The following DLGAP2 variants were observed in gnomAD, a reference collection of about 807,000 sequenced individuals.
DLGAP2 encodes the protein disks large-associated protein 2.
In DLGAP2, 26 loss-of-function variants were observed where a neutral mutation model predicts 100.3. The observed-to-expected ratio is 0.26, with a 90% CI of 0.19 to 0.36. The LOEUF (loss-of-function observed/expected upper bound fraction) is 0.36. DLGAP2 is among the 10% of genes least tolerant of loss of function. DLGAP2 has a pLI of 1.00. For missense variants in DLGAP2, 1,858 were observed against 1,453.2 expected, an observed-to-expected ratio of 1.28 and a Z score of -4.53; for synonymous variants, 886 against 630.1, an observed-to-expected ratio of 1.41 and a Z score of -6.08.
At chr8:1,646,838 A>G (rs1390119302) in intron 8 of DLGAP2, among the ~76,000 whole-genome samples, 5 of 152,182 alleles carry the variant, frequency 3.3e-5, no homozygotes, top group African/African-American at 1.2e-4. Flanking sequence ...CCTTCTGGAA[A>G]GGAGAACCCA....
intron 4 of DLGAP2, among the ~76,000 whole-genome samples, chr8:1,506,567 G>A (rs145817703): frequency 0.012 from 1,817 of 152,262 alleles, 10 homozygotes; most frequent in Admixed American, 0.015. Context: ...TGCATACAGC[G>A]TAAAAATTAA....
intron 1 of DLGAP2, among the ~76,000 whole-genome samples, chr8:785,770 TCC>T (rs1821841852): frequency 4.7e-5 from 1 of 21,468 alleles, no homozygotes; most frequent in Non-Finnish European, 8.8e-5. Flanking sequence ...CCGGCCTCCC[TCC>T]TCCCCTCAGG....
At chr8:1,192,761 T>C (rs1797667176) in intron 2 of DLGAP2, among the ~76,000 whole-genome samples, 1 of 151,920 alleles carries the variant, frequency 6.6e-6, no homozygotes. Flanking sequence ...CATGTTGGTG[T>C]GCTGCACCCA....
chr8:962,040 T>C (rs1799736690), intron 2 of DLGAP2, among the ~76,000 whole-genome samples: 1 of 152,240 alleles, frequency 6.6e-6, no homozygotes, highest in Non-Finnish European at 1.5e-5. Context: ...ATGAATATAA[T>C]TTAAGTGTAA....
intron 1 of DLGAP2, among the ~76,000 whole-genome samples, chr8:880,823 C>T (rs771562112): frequency 1.7e-4 from 26 of 152,230 alleles, no homozygotes; most frequent in Non-Finnish European, 3.5e-4. Context: ...ATGGACTCAA[C>T]GCAGATGTAA....
chr8:1,034,130 A>G (rs71516138), intron 2 of DLGAP2, among the ~76,000 whole-genome samples: 225 of 6,146 alleles, frequency 0.037, no homozygotes, highest in East Asian at 0.062. Context: ...TCCCGACCCC[A>G]CGTGTCACCG....
intron 2 of DLGAP2, among the ~76,000 whole-genome samples, chr8:1,114,271 T>C (rs768726420): frequency 1.3e-5 from 2 of 152,178 alleles, no homozygotes; most frequent in Non-Finnish European, 2.9e-5. Flanking sequence ...TCAGTAGAAA[T>C]AGTACCAGCT....
At chr8:1,376,771 GA>G (rs1449393116) in intron 3 of DLGAP2, among the ~76,000 whole-genome samples, 1 of 143,850 alleles carries the variant, frequency 7.0e-6, no homozygotes, top group Non-Finnish European at 1.5e-5. Context: ...CAGGGCTACC[GA>G]GACCCTCAAC....
intron 3 of DLGAP2, among the ~76,000 whole-genome samples, chr8:1,419,154 T>C (rs1193237310): frequency 2.0e-5 from 3 of 152,236 alleles, no homozygotes; most frequent in Non-Finnish European, 2.9e-5. Context: ...TTTAGTTGAC[T>C]CATAATAATT....
chr8:1,475,129 C>G (rs956767462), intron 3 of DLGAP2, among the ~76,000 whole-genome samples: 2 of 152,162 alleles, frequency 1.3e-5, no homozygotes, highest in Admixed American at 6.5e-5. Context: ...AACACAAATA[C>G]TGCACGTTCT....
chr8:1,051,023 G>A (rs1802667875), intron 2 of DLGAP2, among the ~76,000 whole-genome samples: 1 of 149,534 alleles, frequency 6.7e-6, no homozygotes, highest in Admixed American at 6.7e-5. Flanking sequence ...GTCATTTCGT[G>A]GGTGGGGGTC....
At chr8:1,282,049 TGGTGTGA>T (rs1799825689) in intron 3 of DLGAP2, among the ~76,000 whole-genome samples, 1 of 99,484 alleles carries the variant, frequency 1.0e-5, no homozygotes, top group Non-Finnish European at 2.0e-5. Context: ...CATCCGGACG[TGGTGTGA>T]CCTGAACCCA....
chr8:1,010,800 C>T (rs1389630153), intron 2 of DLGAP2, among the ~76,000 whole-genome samples: 1 of 152,226 alleles, frequency 6.6e-6, no homozygotes, highest in Non-Finnish European at 1.5e-5. Context: ...ACTTTAAAAA[C>T]ACCTCAGAGA....
At chr8:1,227,068 G>C (rs1798431006) in intron 2 of DLGAP2, among the ~76,000 whole-genome samples, 1 of 146,434 alleles carries the variant, frequency 6.8e-6, no homozygotes, top group Non-Finnish European at 1.5e-5. Context: ...CTGTTCACCT[G>C]TTCATTGCAG....
intron 2 of DLGAP2, among the ~76,000 whole-genome samples, chr8:1,171,530 A>G (rs892426862): frequency 1.1e-4 from 17 of 151,880 alleles, no homozygotes; most frequent in Non-Finnish European, 2.1e-4. Flanking sequence ...GTCTCTTTGT[A>G]GGTCACTCAG....
intron 1 of DLGAP2, among the ~76,000 whole-genome samples, chr8:865,957 A>G (rs981277588): frequency 6.6e-6 from 1 of 152,192 alleles, no homozygotes; most frequent in South Asian, 2.1e-4. Context: ...TACATTCAAA[A>G]CAGGGCAAGG....
chr8:1,495,702 C>T (rs1433740603), intron 3 of DLGAP2, among the ~76,000 whole-genome samples: 4 of 152,290 alleles, frequency 2.6e-5, no homozygotes, highest in East Asian at 3.9e-4. Flanking sequence ...AGATTGCAGA[C>T]GCTCATCGTC....
At chr8:835,921 C>A (rs561726086) in intron 1 of DLGAP2, among the ~76,000 whole-genome samples, 1 of 152,236 alleles carries the variant, frequency 6.6e-6, no homozygotes, top group East Asian at 1.9e-4. Flanking sequence ...GTTTGTGTAT[C>A]CATCCCTTCA....
intron 3 of DLGAP2, among the ~76,000 whole-genome samples, chr8:1,464,191 TCCCTTCCAGGACAACA>T (rs1798543167): frequency 3.0e-5 from 1 of 33,644 alleles, no homozygotes; most frequent in African/African-American, 1.5e-4. Flanking sequence ...CCAGGACAGC[TCCCTTCCAGGACAACA>T]CCCTTCCAGG....
Sources: allele counts gnomAD v4.1 joint callset (sites outside exome capture counted in the v4.1 genomes callset), GRCh38; gene constraint gnomAD v4.1.1; transcripts MANE v1.5; gene names NCBI Gene and HGNC (gene_info 2026-07-23, HGNC 2026-07-21).